PFKFB3: variants seen among roughly 807,000 people sequenced by gnomAD.
PFKFB3 encodes the protein 6-phosphofructo-2-kinase/fructose-2,6-bisphosphatase 3.
Under a neutral mutation model 68.0 loss-of-function variants are expected in PFKFB3, and 33 were observed. The observed-to-expected ratio is 0.49, with a 90% CI of 0.37 to 0.65. The LOEUF (loss-of-function observed/expected upper bound fraction) is 0.65. Among genes scored for constraint, PFKFB3 ranks in the 30% least tolerant of loss-of-function variants. The pLI is 0.00. For synonymous variants in PFKFB3, 315 were observed against 288.2 expected (o/e 1.09, Z -0.94); for missense variants, 586 against 712.2 (o/e 0.82, Z 2.02).
chr10:6,218,070 C>A (rs1331607797), intron 6 of PFKFB3, among the ~76,000 whole-genome samples: 1 of 152,126 alleles, frequency 6.6e-6, no homozygotes, highest in Admixed American at 6.5e-5. Context: ...TGTGAAAAGT[C>A]AGTTTAGATT....
intron 1 of PFKFB3, among the ~76,000 whole-genome samples, chr10:6,176,574 T>C (rs1023954652): frequency 6.6e-6 from 1 of 152,158 alleles, no homozygotes; most frequent in Admixed American, 6.5e-5. Context: ...GCCTGGCTAA[T>C]TTTTAAGTTC....
rs747734714 is a variant in PFKFB3, at chr10:6,226,330, C to T, written c.1480C>T (p.Leu494=). ...CACCTCGGCCGCCCTGCCCAGCTGC[C>T]TGCCCCCGGAGGTGCCCACGCAGCT... ...ASTSAALPSC[L]PPEVPTQLPG... is the part of the protein sequence containing the mutation. Residue 494 remains leucine (L), a synonymous_variant, in exon 14 of 15, where the codon CTG becomes TTG. Transcript: ENST00000379775. The T allele has an allele frequency of 3.1e-6, 5 of 1,613,834 alleles. No homozygotes were observed. Among genetic ancestry groups the T allele is most frequent in the Admixed American group, 3.3e-5 (2 of 59,946 alleles).
At chr10:6,259,540 G>A (rs974423109), downstream of PFKFB3, among the ~76,000 whole-genome samples, 6 of 12,496 alleles carry the variant, frequency 4.8e-4, no homozygotes, top group African/African-American at 5.8e-4. Flanking sequence ...CCATCCATCT[G>A]CTCATCCATC....
Position 6,231,182 on chromosome 10 carries a change from A to G in PFKFB3, c.1516-1713A>G, listed in dbSNP as rs931155234. ...TTCATTTTTAAAATTTCAAATGCAC[A>G]CTAGAAAATCCTACTAAAGATTTTC... On this transcript the variant is annotated intron_variant, in intron 14 of 14. Coordinates refer to ENST00000379775, the MANE Select transcript of PFKFB3 (RefSeq NM_004566.4). 5 of 1,013,550 alleles carry G rather than the reference A, an allele frequency of 4.9e-6. No homozygotes were observed. In the African/African-American group the frequency reaches 6.4e-5, roughly 13 times the overall value. 62.8% of individuals were successfully genotyped at this position (1,013,550 alleles called of 1,614,324 possible).
At chr10:6,320,252 C>G in the PFKFB3 span, among the ~76,000 whole-genome samples, 1 of 152,024 alleles carries the variant, frequency 6.6e-6, no homozygotes, top group African/African-American at 2.4e-5. Flanking sequence ...AGAGACACAG[C>G]CTACAGTGGA....
At chr10:6,176,368 T>C (rs1292828039) in intron 1 of PFKFB3, among the ~76,000 whole-genome samples, 2 of 152,154 alleles carry the variant, frequency 1.3e-5, no homozygotes, top group Non-Finnish European at 2.9e-5. Flanking sequence ...GTGAGGATCG[T>C]CGAGCTGTGC....
At chr10:6,292,451 AT>A in the PFKFB3 span, among the ~76,000 whole-genome samples, 4,576 of 149,644 alleles carry the variant, frequency 0.031, 215 homozygotes, top group African/African-American at 0.11. Flanking sequence ...CACCCAGCTA[AT>A]TTTTTTGTAT....
At chr10:6,302,362 G>GTTTTTTTTTTTTTT in the PFKFB3 span, among the ~76,000 whole-genome samples, 1 of 78,494 alleles carries the variant, frequency 1.3e-5, no homozygotes, top group African/African-American at 6.5e-5. Flanking sequence ...TGCCTGGCCA[G>GTTTTTTTTTTTTTT]TTTTTTTTTT....
intron 14 of PFKFB3, among the ~76,000 whole-genome samples, chr10:6,251,983 T>TA (rs1313361685): frequency 6.6e-6 from 1 of 151,676 alleles, no homozygotes; most frequent in East Asian, 1.9e-4. Flanking sequence ...AACAAATAAA[T>TA]AAATAAAATA....
At chr10:6,307,330 T>TACAC in the PFKFB3 span, among the ~76,000 whole-genome samples, 3,519 of 99,136 alleles carry the variant, frequency 0.035, 50 homozygotes, top group Middle Eastern at 0.049. Context: ...GCATGCGTAC[T>TACAC]ACACACACAC....
chr10:6,186,292 C>G (rs1425184519), intron 1 of PFKFB3, among the ~76,000 whole-genome samples: 1 of 152,170 alleles, frequency 6.6e-6, no homozygotes, highest in Non-Finnish European at 1.5e-5. Flanking sequence ...ACTAATCACA[C>G]GACCACATCC....
At chr10:6,197,745 G>A (rs1002815388) in intron 1 of PFKFB3, 1 of 152,226 alleles carries the variant, frequency 6.6e-6, no homozygotes, top group East Asian at 1.9e-4. Context: ...AGGAAGAGGG[G>A]GCTGGTCTTG....
intron 1 of PFKFB3, among the ~76,000 whole-genome samples, chr10:6,177,466 T>TTCTTTCTTTCTTTCTC: frequency 6.9e-6 from 1 of 144,640 alleles, no homozygotes; most frequent in Non-Finnish European, 1.5e-5. Context: ...CTTTCTTTCT[T>TTCTTTCTTTCTTTCTC]TCTTTCTTTC....
chr10:6,285,964 CTTTCACTGTTTTT>C, the PFKFB3 span, among the ~76,000 whole-genome samples: 4 of 146,578 alleles, frequency 2.7e-5, no homozygotes, highest in African/African-American at 1.0e-4. Context: ...GTTGACCATC[CTTTCACTGTTTTT>C]TTTTTTTTTT....
chr10:6,283,404 T>C, the PFKFB3 span, among the ~76,000 whole-genome samples: 2 of 152,242 alleles, frequency 1.3e-5, no homozygotes, highest in Middle Eastern at 3.2e-3. Context: ...TATGTCCTTA[T>C]GGGAATGGTG....
At chr10:6,306,681 A>G in the PFKFB3 span, among the ~76,000 whole-genome samples, 1 of 152,212 alleles carries the variant, frequency 6.6e-6, no homozygotes, top group African/African-American at 2.4e-5. Flanking sequence ...CCTCTATTCA[A>G]CATAATAACT....
intron 14 of PFKFB3, among the ~76,000 whole-genome samples, chr10:6,253,676 G>C (rs1588572347): frequency 6.6e-6 from 1 of 152,092 alleles, no homozygotes; most frequent in Non-Finnish European, 1.5e-5. Context: ...GTCATATCCT[G>C]GTGGTGGGGG....
intron 1 of PFKFB3, among the ~76,000 whole-genome samples, chr10:6,185,952 T>G (rs979641962): frequency 6.8e-4 from 103 of 152,118 alleles, no homozygotes; most frequent in African/African-American, 2.4e-3. Flanking sequence ...TGTCCTCCAG[T>G]TTTAAGAACT....
chr10:6,211,546 C>A (rs1844231413), intron 1 of PFKFB3, among the ~76,000 whole-genome samples: 1 of 152,174 alleles, frequency 6.6e-6, no homozygotes, highest in South Asian at 2.1e-4. Flanking sequence ...GCCAGAATGA[C>A]CCTGGGCACG....
Sources: gnomAD v4.1 joint callset for allele counts (sites outside exome capture counted in the v4.1 genomes callset) on GRCh38, gnomAD v4.1.1 for gene constraint, MANE v1.5 for transcripts, NCBI Gene and HGNC (gene_info 2026-07-23, HGNC 2026-07-21) for gene names.